Variants in SGCD observed in about 807,000 individuals in gnomAD.
SGCD encodes the protein delta-sarcoglycan.
Under a neutral mutation model 36.6 loss-of-function variants are expected in SGCD, and 18 were observed. The ratio of observed to expected loss-of-function variants is 0.49; its 90% CI spans 0.34 to 0.73. SGCD has a LOEUF of 0.73. Among genes scored for constraint, SGCD ranks in the 30% least tolerant of loss-of-function variants. The probability of loss-of-function intolerance (pLI) is 0.01; values close to 1 mark genes in which losing one functional copy is unlikely to be tolerated. For missense variants in SGCD, 387 were observed against 346.7 expected (o/e 1.12, Z -0.92); for synonymous variants, 133 against 130.6 (o/e 1.02, Z -0.12).
chr5:156,022,226 G>A (rs1473902243), intron 1 of SGCD, among the ~76,000 whole-genome samples: 1 of 152,042 alleles, frequency 6.6e-6, no homozygotes, highest in Non-Finnish European at 1.5e-5. Context: ...AATACTTACT[G>A]AATTTTATTG....
intron 3 of SGCD, among the ~76,000 whole-genome samples, chr5:156,224,748 G>A (rs890277776): frequency 2.0e-5 from 3 of 152,022 alleles, no homozygotes; most frequent in East Asian, 1.9e-4. Context: ...CCAAAATCCC[G>A]AGCAAGTCAA....
the SGCD span, among the ~76,000 whole-genome samples, chr5:155,782,489 C>T: frequency 6.6e-6 from 1 of 152,132 alleles, no homozygotes; most frequent in East Asian, 1.9e-4. Flanking sequence ...TGAAGAAATA[C>T]AGACTAGTTC....
At chr5:156,586,242 G>A (rs1760488559) in intron 4 of SGCD, among the ~76,000 whole-genome samples, 3 of 152,100 alleles carry the variant, frequency 2.0e-5, no homozygotes, top group East Asian at 1.9e-4. Context: ...TAAAATGGCT[G>A]TCAATTGATA....
At chr5:156,696,710 A>C (rs1431600746) in intron 7 of SGCD, among the ~76,000 whole-genome samples, 1 of 152,040 alleles carries the variant, frequency 6.6e-6, no homozygotes, top group African/African-American at 2.4e-5. Context: ...GGGTTTTGCC[A>C]TGTTGACCAA....
At chr5:155,886,042 A>T (rs1312380528) in intron 1 of SGCD, among the ~76,000 whole-genome samples, 1 of 152,218 alleles carries the variant, frequency 6.6e-6, no homozygotes. Flanking sequence ...GAAAATGCTT[A>T]CTTCTGCCTT....
the SGCD span, among the ~76,000 whole-genome samples, chr5:155,744,178 C>T: frequency 1.1e-4 from 17 of 152,048 alleles, no homozygotes; most frequent in African/African-American, 3.4e-4. Flanking sequence ...TTTGAAGGAG[C>T]GGGCCAGGTG....
At chr5:156,068,307 G>A (rs1760403762) in intron 1 of SGCD, among the ~76,000 whole-genome samples, 1 of 150,508 alleles carries the variant, frequency 6.6e-6, no homozygotes, top group Non-Finnish European at 1.5e-5. Context: ...AGAGTGTGAT[G>A]TTCCCCTTCC....
At chr5:156,367,446 A>T (rs1561648756) in intron 3 of SGCD, among the ~76,000 whole-genome samples, 2 of 152,236 alleles carry the variant, frequency 1.3e-5, no homozygotes, top group African/African-American at 4.8e-5. Context: ...GGAAATTGTT[A>T]TTCAAAAATA....
chr5:156,507,713 T>C (rs1315321996), intron 3 of SGCD, among the ~76,000 whole-genome samples: 3 of 152,190 alleles, frequency 2.0e-5, no homozygotes, highest in Non-Finnish European at 4.4e-5. Flanking sequence ...ATTTTTAAAA[T>C]GACATTTATC....
the SGCD span, among the ~76,000 whole-genome samples, chr5:155,791,604 A>T: frequency 6.6e-6 from 1 of 152,212 alleles, no homozygotes; most frequent in East Asian, 1.9e-4. Context: ...TAGCATTTCT[A>T]TACACCAATA....
At chr5:155,936,410 C>T (rs1757203029) in intron 1 of SGCD, among the ~76,000 whole-genome samples, 2 of 152,072 alleles carry the variant, frequency 1.3e-5, no homozygotes, top group South Asian at 4.2e-4. Flanking sequence ...GTGTTCAGCT[C>T]GCAGCAGAGA....
At chr5:156,268,164 C>A (rs1445918897) in intron 3 of SGCD, among the ~76,000 whole-genome samples, 1 of 152,152 alleles carries the variant, frequency 6.6e-6, no homozygotes. Flanking sequence ...AAAACATGAT[C>A]CCATTCTTTT....
intron 1 of SGCD, among the ~76,000 whole-genome samples, chr5:156,004,301 T>C (rs1758716102): frequency 6.6e-6 from 1 of 152,220 alleles, no homozygotes; most frequent in African/African-American, 2.4e-5. Flanking sequence ...GTAACATGCT[T>C]CTTTCTAGAA....
intron 3 of SGCD, chr5:156,458,646 T>C: frequency 1.6e-6 from 1 of 621,516 alleles, no homozygotes; most frequent in Non-Finnish European, 2.9e-6. Context: ...CATGCAGATA[T>C]TGTAAGAATT....
At chr5:156,320,034 C>G (rs964130930) in intron 3 of SGCD, among the ~76,000 whole-genome samples, 4 of 151,982 alleles carry the variant, frequency 2.6e-5, no homozygotes, top group Admixed American at 1.3e-4. Context: ...TAATAAACCC[C>G]TTATAAAGAT....
intron 3 of SGCD, among the ~76,000 whole-genome samples, chr5:156,444,064 T>TTCTCTCTCTCTCTCTCTCTCTCTC (rs535098783): frequency 2.9e-5 from 1 of 34,484 alleles, no homozygotes; most frequent in Non-Finnish European, 5.9e-5. Context: ...CTTTCTCTCC[T>TTCTCTCTCTCTCTCTCTCTCTCTC]TCTCTCTCTC....
chr5:156,724,131 G>A (rs1281395805), intron 7 of SGCD, among the ~76,000 whole-genome samples: 1 of 152,148 alleles, frequency 6.6e-6, no homozygotes, highest in African/African-American at 2.4e-5. Flanking sequence ...GGGAGAGCAC[G>A]AAGACTGTAG....
intron 1 of SGCD, among the ~76,000 whole-genome samples, chr5:155,955,814 T>G (rs1757638677): frequency 6.6e-6 from 1 of 152,148 alleles, no homozygotes; most frequent in Non-Finnish European, 1.5e-5. Flanking sequence ...TAGTTGCCTC[T>G]TAATGATTCA....
At chr5:155,759,533 C>T in the SGCD span, among the ~76,000 whole-genome samples, 1 of 152,080 alleles carries the variant, frequency 6.6e-6, no homozygotes, top group African/African-American at 2.4e-5. Context: ...TGCTTGAAAT[C>T]CCAGAAACAT....
Sources: gnomAD v4.1 joint callset for allele counts (sites outside exome capture counted in the v4.1 genomes callset) on GRCh38, gnomAD v4.1.1 for gene constraint, MANE v1.5 for transcripts, NCBI Gene and HGNC (gene_info 2026-07-23, HGNC 2026-07-21) for gene names.